The following CTNNA2 variants were observed in gnomAD, a reference collection of about 807,000 sequenced individuals.
CTNNA2 encodes the protein catenin alpha 2, also known as catenin alpha-2.
CTNNA2 carries 42 observed loss-of-function variants against 101.0 expected under a neutral mutation model. The observed-to-expected ratio is 0.42, with a 90% CI of 0.32 to 0.54. CTNNA2 has a LOEUF of 0.54. Ranked by LOEUF, CTNNA2 falls within the 20% of genes least tolerant of loss-of-function variation. The pLI, the probability that CTNNA2 is intolerant of heterozygous loss-of-function variation, is 0.14. For missense variants in CTNNA2, 871 were observed against 1,223.1 expected (o/e 0.71, Z 4.29); for synonymous variants, 450 against 456.4 (o/e 0.99, Z 0.18).
At chr2:80,373,315 A>G (rs1049908606) in intron 7 of CTNNA2, among the ~76,000 whole-genome samples, 1 of 152,176 alleles carries the variant, frequency 6.6e-6, no homozygotes, top group East Asian at 1.9e-4. Flanking sequence ...GGTTGTTTTC[A>G]TGGTATCTCA....
chr2:79,726,810 T>G, intron 2 of CTNNA2, among the ~76,000 whole-genome samples: 1 of 152,236 alleles, frequency 6.6e-6, no homozygotes, highest in East Asian at 1.9e-4. Flanking sequence ...TTAGGTTGAT[T>G]GATTTACTTA....
intron 17 of CTNNA2, among the ~76,000 whole-genome samples, chr2:80,611,846 T>C (rs961716378): frequency 2.2e-4 from 33 of 151,558 alleles, no homozygotes; most frequent in African/African-American, 7.5e-4. Flanking sequence ...ATTATAACAA[T>C]GAAGTCAGAA....
rs55934940 is a variant in CTNNA2, at chr2:79,829,360, T to TACACACACACACACAC, written c.299-28613_299-28598dup. ...GGTGAAACCCCGTCTCAACTAAAAC[T>TACACACACACACACAC]ACACACACACACACACACACACACA... On this transcript the variant is annotated intron_variant, in intron 3 of 18. Coordinates refer to ENST00000402739, the MANE Select transcript of CTNNA2 (RefSeq NM_001282597.3). 8.6e-4 allele frequency among the ~76,000 whole-genome samples: 97 copies of TACACACACACACACAC among 113,202 alleles called. 1 individual carries two copies. Among genetic ancestry groups the TACACACACACACACAC allele is most frequent in the African/African-American group, 2.1e-3 (60 of 28,326 alleles). 74.3% of individuals were successfully genotyped at this position (113,202 alleles called of 152,430 possible).
chr2:80,266,406 G>C (rs1172669756), intron 7 of CTNNA2, among the ~76,000 whole-genome samples: 1 of 152,222 alleles, frequency 6.6e-6, no homozygotes, highest in South Asian at 2.1e-4. Context: ...AAGAGAGTGT[G>C]TGGGGGCTCC....
intron 1 of CTNNA2, among the ~76,000 whole-genome samples, chr2:79,627,541 T>A (rs1236520183): frequency 6.6e-6 from 1 of 152,232 alleles, no homozygotes; most frequent in Non-Finnish European, 1.5e-5. Flanking sequence ...CATTATACCA[T>A]AACTGAAAAT....
intron 6 of CTNNA2, among the ~76,000 whole-genome samples, chr2:79,891,542 G>A (rs927799703): frequency 2.0e-5 from 3 of 152,148 alleles, no homozygotes; most frequent in Non-Finnish European, 4.4e-5. Context: ...AGATCTGATG[G>A]AGCGGTAGGT....
intron 4 of CTNNA2, among the ~76,000 whole-genome samples, chr2:79,393,648 A>AG (rs35602550): frequency 6.7e-6 from 1 of 149,048 alleles, no homozygotes; most frequent in East Asian, 2.0e-4. Flanking sequence ...AAAAAAAAAA[A>AG]GCTGCTCTCC....
At chr2:80,491,034 C>T (rs927399443) in intron 9 of CTNNA2, among the ~76,000 whole-genome samples, 1 of 152,176 alleles carries the variant, frequency 6.6e-6, no homozygotes, top group Admixed American at 6.5e-5. Context: ...GTCAGTTCTG[C>T]ATTCTATACC....
intron 1 of CTNNA2, among the ~76,000 whole-genome samples, chr2:79,515,382 C>T (rs146254478): frequency 1.0e-3 from 157 of 152,310 alleles, no homozygotes; most frequent in Non-Finnish European, 1.9e-3. Flanking sequence ...GACTTTTCCC[C>T]TGCCAGTATG....
intron 7 of CTNNA2, among the ~76,000 whole-genome samples, chr2:80,084,644 C>A (rs543313244): frequency 1.1e-3 from 171 of 152,164 alleles, no homozygotes; most frequent in African/African-American, 4.0e-3. Flanking sequence ...TTTCTACACA[C>A]CTCCAGGATG....
At position 80,500,152 on chromosome 2, in the gene CTNNA2, A is replaced by G. The variant is rs532768954; in HGVS notation, c.1291-44830A>G. On this transcript the variant is annotated intron_variant, in intron 9 of 18. Coordinates refer to ENST00000402739, the MANE Select transcript of CTNNA2 (RefSeq NM_001282597.3). The stretch of plus-strand genomic sequence containing the variant: ...TTAGCCATATTATGCAGCCCAGAAG[A>G]ATAAATAAGTAGATACTTTTTAATA... Among the ~76,000 whole-genome samples, 4 of 152,324 alleles carry G rather than the reference A, an allele frequency of 2.6e-5. No individual in the cohort carries two copies. The South Asian group carries it at 8.3e-4, about 32-fold the overall frequency.
chr2:80,531,655 T>G (rs1299732600), intron 9 of CTNNA2, among the ~76,000 whole-genome samples: 1 of 152,178 alleles, frequency 6.6e-6, no homozygotes, highest in African/African-American at 2.4e-5. Flanking sequence ...CTCCTCCTGG[T>G]TTTTTATTTG....
chr2:79,778,578 CGTATATACATATATACATACA>C lies in CTNNA2; in HGVS notation c.298+33997_298+34017del, dbSNP rs1674173211. 2.6e-5 allele frequency among the ~76,000 whole-genome samples: 4 copies of C among 152,006 alleles called. No individual in the cohort carries two copies. The South Asian group carries it at 8.4e-4, about 32-fold the overall frequency. On this transcript the variant is annotated intron_variant, in intron 3 of 18. Coordinates refer to ENST00000402739, the MANE Select transcript of CTNNA2 (RefSeq NM_001282597.3). ...TATATACACATGCATAAAACATATA[CGTATATACATATATACATACA>C]TATATACACACATATATACACACGT...
intron 2 of CTNNA2, among the ~76,000 whole-genome samples, chr2:79,308,108 G>A (rs1440868227): frequency 1.3e-5 from 2 of 152,146 alleles, no homozygotes; most frequent in Non-Finnish European, 2.9e-5. Flanking sequence ...ACAGTGGCAT[G>A]ATCTCGGCTC....
chr2:79,285,949 G>A (rs1442000862), intron 2 of CTNNA2, among the ~76,000 whole-genome samples: 1 of 148,022 alleles, frequency 6.8e-6, no homozygotes, highest in African/African-American at 2.7e-5. Flanking sequence ...TGTATTGGGT[G>A]CATATATATT....
At chr2:79,470,009 A>T (rs559881864) in intron 4 of CTNNA2, among the ~76,000 whole-genome samples, 1 of 152,298 alleles carries the variant, frequency 6.6e-6, no homozygotes, top group African/African-American at 2.4e-5. Context: ...TATTCAACAT[A>T]GTGTTGGAAG....
In CTNNA2 at chr2:79,744,549, T is replaced by C. The variant is rs762689721; in HGVS notation, c.265T>C (p.Leu89=). The C allele has an allele frequency of 6.8e-6, 11 of 1,613,632 alleles. No homozygotes were observed. The Admixed American group carries it at 1.8e-4, about 27-fold the overall frequency. The stretch of plus-strand genomic sequence containing the variant: ...GGAGAGTCAAGATCTCAAAGAAGAG[T>C]TGGTGGCTGCTGTAGAGGATGTGCG... ...AKESQDLKEE[L]VAAVEDVRKQ... is the part of the protein sequence containing the mutation. Residue 89 remains leucine (L), a synonymous_variant, in exon 3 of 19, where the codon TTG becomes CTG. Transcript: ENST00000402739.
At chr2:79,616,165 A>G (rs916331082) in intron 1 of CTNNA2, among the ~76,000 whole-genome samples, 3 of 152,226 alleles carry the variant, frequency 2.0e-5, no homozygotes, top group Admixed American at 6.5e-5. Flanking sequence ...TGCATGATTA[A>G]AAGCATGAGT....
At position 80,648,604 on chromosome 2, in the gene CTNNA2, T is replaced by TTTAA. The variant is rs1009458415; in HGVS notation, c.*735_*738dup. ...AATCTTGCTTTCATTTTTTTTTCTTTTTAATTTGAACCATGATTTTGCTAG... is the reference window on the plus strand; with the variant it reads ...AATCTTGCTTTCATTTTTTTTTCTTTTTAATTAATTTGAACCATGATTTTGCTAG... On this transcript the variant is annotated 3_prime_UTR_variant, in exon 19 of 19. Coordinates refer to ENST00000402739, the MANE Select transcript of CTNNA2 (RefSeq NM_001282597.3). 2 of 152,272 alleles carry TTTAA rather than the reference T, an allele frequency of 1.3e-5. No individual in the cohort carries two copies. The highest frequency in any genetic ancestry group is 4.8e-5 in the African/African-American group (2 of 41,392). 9.4% of individuals were successfully genotyped at this position (152,272 alleles called of 1,614,324 possible). A position where few individuals can be genotyped will look rare whatever the true frequency, so the allele number is the denominator to read the frequency against.
Sources: allele counts gnomAD v4.1 joint callset (sites outside exome capture counted in the v4.1 genomes callset), GRCh38; gene constraint gnomAD v4.1.1; transcripts MANE v1.5; gene names NCBI Gene and HGNC (gene_info 2026-07-23, HGNC 2026-07-21).